DPP6: variants seen among roughly 807,000 people sequenced by gnomAD.
DPP6 encodes dipeptidyl peptidase like 6.
A neutral mutation model predicts 122.6 loss-of-function variants in DPP6; 69 were observed. That is an observed-to-expected ratio of 0.56 (90% CI 0.46 to 0.69). The LOEUF is 0.69. Ranked by LOEUF, DPP6 falls within the 30% of genes least tolerant of loss-of-function variation. The pLI is 0.00. For synonymous variants in DPP6, 418 were observed against 433.1 expected (o/e 0.97, Z 0.43); for missense variants, 928 against 1,116.9 (o/e 0.83, Z 2.41).
chr7:154,327,538 T>A lies in DPP6; in HGVS notation c.244-118676T>A, dbSNP rs1337325772. Reference sequence around the variant, plus strand: ...TATCTATATCAATCTCTAATTTTACTTGAGGAGTAGTGTTGACCTCATGTC... The same window carrying A: ...TATCTATATCAATCTCTAATTTTACATGAGGAGTAGTGTTGACCTCATGTC... On this transcript the variant is annotated intron_variant, in intron 1 of 25. Coordinates refer to ENST00000377770, the MANE Select transcript of DPP6 (RefSeq NM_130797.4). Among the ~76,000 whole-genome samples the A allele has an allele frequency of 2.6e-5, 4 of 152,202 alleles. No homozygotes were observed. In the East Asian group the frequency reaches 7.7e-4, roughly 29 times the overall value.
chr7:154,083,491 C>T (rs971564784), intron 1 of DPP6, among the ~76,000 whole-genome samples: 1 of 150,766 alleles, frequency 6.6e-6, no homozygotes, highest in Non-Finnish European at 1.5e-5. Flanking sequence ...TCCTGGTCAC[C>T]CAAGCCTCCA....
intron 1 of DPP6, among the ~76,000 whole-genome samples, chr7:154,124,555 A>G (rs3115107): frequency 2.6e-5 from 4 of 152,342 alleles, no homozygotes; most frequent in South Asian, 2.1e-4. Flanking sequence ...ACATTGATGT[A>G]TTTTCAACAG....
intron 12 of DPP6, among the ~76,000 whole-genome samples, chr7:154,796,695 G>A (rs1454660706): frequency 1.3e-5 from 2 of 152,158 alleles, no homozygotes; most frequent in Admixed American, 6.5e-5. Flanking sequence ...CTTCTTCATC[G>A]ATATGGTGGA....
At chr7:154,574,347 GTGTATATGTGTGTGT>G (rs1165637828) in intron 5 of DPP6, among the ~76,000 whole-genome samples, 1 of 140,964 alleles carries the variant, frequency 7.1e-6, no homozygotes, top group Non-Finnish European at 1.5e-5. Flanking sequence ...TGTGTGGTAT[GTGTATATGTGTGTGT>G]TGTGTATGTG....
chr7:154,522,634 C>T (rs1195212696), intron 3 of DPP6, among the ~76,000 whole-genome samples: 1 of 152,152 alleles, frequency 6.6e-6, no homozygotes, highest in Admixed American at 6.5e-5. Flanking sequence ...CTCTTTGGAG[C>T]CCACATTGCC....
intron 3 of DPP6, among the ~76,000 whole-genome samples, chr7:154,538,600 G>A (rs891225554): frequency 1.3e-5 from 2 of 152,206 alleles, no homozygotes; most frequent in South Asian, 4.1e-4. Context: ...TTGATATTTA[G>A]AAATTCATTC....
At chr7:154,240,139 C>T (rs913268604) in intron 1 of DPP6, among the ~76,000 whole-genome samples, 2 of 150,128 alleles carry the variant, frequency 1.3e-5, no homozygotes, top group South Asian at 2.1e-4. Context: ...TAAAATTGTT[C>T]AGAGTTGTAA....
At chr7:153,886,292 T>C (rs945676417), upstream of DPP6, among the ~76,000 whole-genome samples, 1 of 152,074 alleles carries the variant, frequency 6.6e-6, no homozygotes, top group Non-Finnish European at 1.5e-5. Context: ...CGTTTGTGAA[T>C]GGATGATTGA....
At position 154,401,913 on chromosome 7, in the gene DPP6, C is replaced by T. The variant is rs1410479376; in HGVS notation, c.244-44301C>T. On this transcript the variant is annotated intron_variant, in intron 1 of 25. Coordinates refer to ENST00000377770, the MANE Select transcript of DPP6 (RefSeq NM_130797.4). ...AACAAATTTACAAGAAAAAAACAAACAACCCCATCAAAAATTGGGCAAAGG... is the reference window on the plus strand; with the variant it reads ...AACAAATTTACAAGAAAAAAACAAATAACCCCATCAAAAATTGGGCAAAGG... Among the ~76,000 whole-genome samples, 4 of 152,264 alleles carry T rather than the reference C, an allele frequency of 2.6e-5. No individual in the cohort carries two copies. The East Asian group carries it at 7.7e-4, about 29-fold the overall frequency.
At chr7:154,790,585 A>G (rs1279348528) in intron 10 of DPP6, among the ~76,000 whole-genome samples, 2 of 152,100 alleles carry the variant, frequency 1.3e-5, no homozygotes, top group Non-Finnish European at 2.9e-5. Context: ...GGCTTTAAAA[A>G]TTCATATTAC....
At position 153,996,881 on chromosome 7, in the gene DPP6, A is replaced by T. The variant is rs73481304; in HGVS notation, c.51+109147A>T. On this transcript the variant is annotated intron_variant, in intron 1 of 25. Coordinates refer to the DPP6 transcript ENST00000404039. ...TTCTAAAAGGAAACCAATCATGTCT[A>T]TGTATGTTATATGAATGTTGAGCTC... is the stretch of plus-strand genomic sequence containing the variant. 1.8e-3 allele frequency among the ~76,000 whole-genome samples: 270 copies of T among 152,298 alleles called. 2 individuals carry two copies. In the Middle Eastern group the frequency reaches 0.041, roughly 23 times the overall value.
rs369224202 is a variant in DPP6, at chr7:154,437,240, T to A, written c.244-8974T>A. Among the ~76,000 whole-genome samples, 3 of 152,258 alleles carry A rather than the reference T, an allele frequency of 2.0e-5. No individual in the cohort carries two copies. The East Asian group carries it at 5.8e-4, about 29-fold the overall frequency. ...CCATTATACTGGATTATGTGAAAAT[T>A]CTGATACTAGGCTAATAGCTGTTTA... is the stretch of plus-strand genomic sequence containing the variant. On this transcript the variant is annotated intron_variant, in intron 1 of 25. Coordinates refer to ENST00000377770, the MANE Select transcript of DPP6 (RefSeq NM_130797.4).
chr7:154,678,560 T>A (rs894750276), intron 7 of DPP6, among the ~76,000 whole-genome samples: 2 of 152,028 alleles, frequency 1.3e-5, no homozygotes, highest in African/African-American at 4.8e-5. Context: ...AGGAAGAAAT[T>A]CCGGACACAG....
At chr7:154,872,591 C>G (rs770278062) in intron 18 of DPP6, 33 bp from the exon 19 acceptor site, 1 of 1,575,692 alleles carries the variant, frequency 6.3e-7, no homozygotes, top group Non-Finnish European at 8.6e-7. Flanking sequence ...CAGCATTGCC[C>G]CCTAACCCGT....
At chr7:153,808,503 A>C in the DPP6 span, among the ~76,000 whole-genome samples, 1 of 151,958 alleles carries the variant, frequency 6.6e-6, no homozygotes, top group Non-Finnish European at 1.5e-5. Context: ...TTCCAAGTAC[A>C]CAATACAGTG....
chr7:154,803,018 C>A (rs969379559), intron 13 of DPP6, among the ~76,000 whole-genome samples: 1 of 152,022 alleles, frequency 6.6e-6, no homozygotes, highest in Non-Finnish European at 1.5e-5. Flanking sequence ...CCTCGGGGGG[C>A]CCCCAGGGCC....
intron 1 of DPP6, among the ~76,000 whole-genome samples, chr7:154,324,120 T>C (rs1808212126): frequency 6.6e-6 from 1 of 152,086 alleles, no homozygotes; most frequent in African/African-American, 2.4e-5. Flanking sequence ...AAAAATAGAA[T>C]ATATATCTAA....
intron 1 of DPP6, among the ~76,000 whole-genome samples, chr7:153,920,014 T>C (rs1400563052): frequency 1.3e-5 from 2 of 152,252 alleles, no homozygotes; most frequent in African/African-American, 4.8e-5. Flanking sequence ...GATTTAGTTT[T>C]ACTTCTGCCT....
chr7:154,384,001 C>T (rs1332691561), intron 1 of DPP6, among the ~76,000 whole-genome samples: 2 of 152,038 alleles, frequency 1.3e-5, no homozygotes, highest in South Asian at 2.1e-4. Context: ...TGCCCAGCAT[C>T]ACGGTGATGG....
Sources: allele counts gnomAD v4.1 joint callset (sites outside exome capture counted in the v4.1 genomes callset), GRCh38; gene constraint gnomAD v4.1.1; transcripts MANE v1.5; gene names NCBI Gene and HGNC (gene_info 2026-07-23, HGNC 2026-07-21).